Variants in MYRIP observed in about 807,000 individuals in gnomAD.
MYRIP encodes the protein rab effector MyRIP.
Under a neutral mutation model 98.0 loss-of-function variants are expected in MYRIP, and 49 were observed. That is an observed-to-expected ratio of 0.50 (90% CI 0.40 to 0.63). The LOEUF is 0.63. Among genes scored for constraint, MYRIP ranks in the 30% least tolerant of loss-of-function variants. MYRIP has a pLI of 0.00. For synonymous variants in MYRIP, 404 were observed against 409.5 expected, an observed-to-expected ratio of 0.99 and a Z score of 0.16; for missense variants, 1,004 against 1,058.2, an observed-to-expected ratio of 0.95 and a Z score of 0.71.
chr3:40,147,876 G>C (rs1950041246), intron 3 of MYRIP, among the ~76,000 whole-genome samples: 1 of 152,032 alleles, frequency 6.6e-6, no homozygotes, highest in African/African-American at 2.4e-5. Flanking sequence ...TCAAATCCTG[G>C]GACTTCTCTT....
At chr3:40,195,467 T>C (rs569240191) in intron 10 of MYRIP, among the ~76,000 whole-genome samples, 1 of 152,238 alleles carries the variant, frequency 6.6e-6, no homozygotes, top group African/African-American at 2.4e-5. Flanking sequence ...TAATTTCTTT[T>C]TATTTTTCTG....
At chr3:40,230,751 C>G (rs1559466943) in intron 11 of MYRIP, among the ~76,000 whole-genome samples, 1 of 151,828 alleles carries the variant, frequency 6.6e-6, no homozygotes, top group Non-Finnish European at 1.5e-5. Flanking sequence ...CAGTGGAAAG[C>G]AAAATGGGGA....
intron 1 of MYRIP, among the ~76,000 whole-genome samples, chr3:39,840,372 C>T (rs910686658): frequency 1.6e-4 from 24 of 152,114 alleles, no homozygotes; most frequent in Admixed American, 1.3e-4. Flanking sequence ...TGTCTTTGCA[C>T]ATGAGATGGG....
chr3:40,094,292 A>G (rs1948782916), intron 3 of MYRIP, among the ~76,000 whole-genome samples: 2 of 152,178 alleles, frequency 1.3e-5, no homozygotes, highest in Non-Finnish European at 2.9e-5. Flanking sequence ...ATGAAACAAG[A>G]CTGTTACCAT....
At chr3:40,081,806 A>G (rs977274832) in intron 3 of MYRIP, among the ~76,000 whole-genome samples, 1 of 152,082 alleles carries the variant, frequency 6.6e-6, no homozygotes. Context: ...GAAACTATGT[A>G]CCCTTTGACC....
At chr3:40,034,588 G>T (rs1329587750) in intron 2 of MYRIP, among the ~76,000 whole-genome samples, 4 of 150,494 alleles carry the variant, frequency 2.7e-5, no homozygotes, top group African/African-American at 9.9e-5. Context: ...TGCTGGAGAG[G>T]ATGTGGAGAA....
chr3:40,067,531 T>G (rs2125855192), intron 3 of MYRIP, among the ~76,000 whole-genome samples: 1 of 152,288 alleles, frequency 6.6e-6, no homozygotes. Context: ...ACCAGGAGGG[T>G]TCTGTTGAGT....
At chr3:40,079,377 C>T (rs1948426033) in intron 3 of MYRIP, among the ~76,000 whole-genome samples, 1 of 152,186 alleles carries the variant, frequency 6.6e-6, no homozygotes, top group African/African-American at 2.4e-5. Context: ...TCTAGTGGGC[C>T]TGTGACCTAC....
intron 2 of MYRIP, among the ~76,000 whole-genome samples, chr3:39,918,589 T>C (rs930559188): frequency 1.1e-4 from 17 of 152,220 alleles, no homozygotes; most frequent in African/African-American, 3.1e-4. Flanking sequence ...CTTCGCCCTC[T>C]GAAGGTTTGC....
intron 11 of MYRIP, among the ~76,000 whole-genome samples, chr3:40,228,014 C>T (rs981838924): frequency 1.3e-5 from 2 of 152,232 alleles, no homozygotes; most frequent in African/African-American, 4.8e-5. Flanking sequence ...TAGGATCAGT[C>T]CACAGTAGGA....
intron 9 of MYRIP, among the ~76,000 whole-genome samples, chr3:40,184,302 A>G (rs1950970537): frequency 6.6e-6 from 1 of 152,228 alleles, no homozygotes; most frequent in Non-Finnish European, 1.5e-5. Context: ...TAGAACTTCA[A>G]TACACAATAT....
Position 39,900,880 on chromosome 3 carries a change from G to A in MYRIP, c.64G>A (p.Val22Ile), listed in dbSNP as rs554067543. The A allele has an allele frequency of 3.6e-5, 58 of 1,613,696 alleles. No homozygotes were observed. Among genetic ancestry groups the A allele is most frequent in the Non-Finnish European group, 4.4e-5 (52 of 1,180,004 alleles). ...DDETEHVLQV[V>I]QRDFNLRKKE... ...TGAAACAGAGCATGTTCTTCAGGTG[G>A]TTCAAAGAGACTTCAATCTTCGCAA... The change falls in exon 2 of 17, where the codon GTT (valine) becomes ATT (isoleucine). Residue 22 changes from valine (V) to isoleucine (I), a missense_variant. Val to Ile is a conservative substitution (Grantham distance 29, BLOSUM62 3). Around this residue, in one of 3 missense-constraint regions of MYRIP, gnomAD observed 880 missense variants for 907.7 expected, o/e 0.97. Coordinates refer to ENST00000302541, the MANE Select transcript of MYRIP (RefSeq NM_015460.4).
chr3:40,116,777 C>T (rs990636611), intron 3 of MYRIP, among the ~76,000 whole-genome samples: 9 of 152,226 alleles, frequency 5.9e-5, no homozygotes, highest in Admixed American at 3.3e-4. Flanking sequence ...TACACAAAAA[C>T]GGTTTGGGGT....
chr3:40,210,990 GTCT>G (rs1380569137), intron 11 of MYRIP, among the ~76,000 whole-genome samples: 27 of 152,182 alleles, frequency 1.8e-4, no homozygotes, highest in Non-Finnish European at 3.7e-4. Context: ...TCTCCTCTGT[GTCT>G]CCTCTGTGCG....
chr3:40,157,673 T>G (rs1173076699), intron 4 of MYRIP, among the ~76,000 whole-genome samples: 6 of 150,404 alleles, frequency 4.0e-5, no homozygotes, highest in Middle Eastern at 3.4e-3. Flanking sequence ...CAATTTCAGA[T>G]CCTGTTATTG....
intron 3 of MYRIP, among the ~76,000 whole-genome samples, chr3:40,062,365 T>A (rs773087781): frequency 6.6e-6 from 1 of 152,182 alleles, no homozygotes; most frequent in Non-Finnish European, 1.5e-5. Context: ...CCTTTCCCCG[T>A]TGCTTGTTTT....
chr3:40,015,601 G>T (rs868172765), intron 2 of MYRIP, among the ~76,000 whole-genome samples: 15 of 152,206 alleles, frequency 9.9e-5, no homozygotes, highest in Non-Finnish European at 2.2e-4. Flanking sequence ...CAAGGGTTGG[G>T]TGCCACAGGC....
chr3:40,199,190 T>A (rs1483573780), intron 10 of MYRIP, among the ~76,000 whole-genome samples: 2 of 152,226 alleles, frequency 1.3e-5, no homozygotes, highest in African/African-American at 2.4e-5. Context: ...AAACTCATCC[T>A]GTGGATCCTT....
intron 2 of MYRIP, among the ~76,000 whole-genome samples, chr3:39,905,136 A>G (rs534627105): frequency 1.3e-5 from 2 of 152,350 alleles, no homozygotes; most frequent in East Asian, 3.9e-4. Flanking sequence ...TAAATGTGTC[A>G]AAAAGTTCAT....
Sources: allele counts gnomAD v4.1 joint callset (sites outside exome capture counted in the v4.1 genomes callset), GRCh38; gene constraint gnomAD v4.1.1; regional missense constraint gnomAD v4.1.1; transcripts MANE v1.5; gene names NCBI Gene and HGNC (gene_info 2026-07-23, HGNC 2026-07-21).